ATP8B1: variants seen among roughly 807,000 people sequenced by gnomAD.
ATP8B1 encodes the protein ATPase phospholipid transporting 8B1.
Under a neutral mutation model 149.9 loss-of-function variants are expected in ATP8B1, and 80 were observed. That is an observed-to-expected ratio of 0.53 (90% CI 0.45 to 0.64). The LOEUF is 0.64. Among genes scored for constraint, ATP8B1 ranks in the 30% least tolerant of loss-of-function variants. The probability of loss-of-function intolerance (pLI) is 0.00; values close to 1 mark genes in which losing one functional copy is unlikely to be tolerated. For missense variants in ATP8B1, 1,247 were observed against 1,552.6 expected (o/e 0.80, Z 3.31); for synonymous variants, 536 against 562.8 (o/e 0.95, Z 0.67).
At chr18:57,703,549 C>G (rs191281117) in intron 4 of ATP8B1, among the ~76,000 whole-genome samples, 1 of 145,172 alleles carries the variant, frequency 6.9e-6, no homozygotes, top group African/African-American at 2.6e-5. Context: ...GCACTCCAGC[C>G]TGGACGACAA....
chr18:57,702,449 G>C (rs1056919002), intron 4 of ATP8B1, among the ~76,000 whole-genome samples: 6 of 152,196 alleles, frequency 3.9e-5, no homozygotes, highest in African/African-American at 1.4e-4. Flanking sequence ...CTGCAAAATG[G>C]AGGTCATGCC....
chr18:57,672,921 T>TAAAC (rs1911325571), intron 16 of ATP8B1, among the ~76,000 whole-genome samples: 1 of 48,344 alleles, frequency 2.1e-5, no homozygotes, highest in Non-Finnish European at 3.4e-5. Flanking sequence ...TATATATATA[T>TAAAC]ATATATATAT....
chr18:57,727,152 T>C (rs1453853186), intron 2 of ATP8B1, among the ~76,000 whole-genome samples: 1 of 152,034 alleles, frequency 6.6e-6, no homozygotes, highest in Non-Finnish European at 1.5e-5. Context: ...CCCTTCCCCA[T>C]CAGTAATCAC....
chr18:57,667,251 C>T, intron 19 of ATP8B1, 84 bp from the exon 20 acceptor site: 1 of 1,118,478 alleles, frequency 8.9e-7, no homozygotes, highest in Non-Finnish European at 1.3e-6. Flanking sequence ...GCATCTCACT[C>T]CCACTGCCTA....
At chr18:57,680,170 G>T (rs1213632765) in intron 15 of ATP8B1, among the ~76,000 whole-genome samples, 1 of 148,800 alleles carries the variant, frequency 6.7e-6, no homozygotes, top group Non-Finnish European at 1.5e-5. Context: ...CCAGCTACTC[G>T]GGAGGCTGAG....
intron 15 of ATP8B1, among the ~76,000 whole-genome samples, chr18:57,677,978 C>A (rs1425631188): frequency 6.6e-6 from 1 of 152,156 alleles, no homozygotes; most frequent in Non-Finnish European, 1.5e-5. Context: ...CCATTACCTT[C>A]TGATAATGGA....
intron 1 of ATP8B1, among the ~76,000 whole-genome samples, chr18:57,761,039 A>AC (rs11417262): frequency 0.35 from 50,605 of 142,958 alleles, 9,701 homozygotes; most frequent in African/African-American, 0.46. Context: ...AAATAAAATA[A>AC]ATAAAATAAA....
intron 1 of ATP8B1, among the ~76,000 whole-genome samples, chr18:57,779,327 GGAA>G (rs1186158613): frequency 4.0e-5 from 6 of 149,506 alleles, no homozygotes; most frequent in African/African-American, 1.2e-4. Flanking sequence ...AAAAAAAAAA[GGAA>G]GAAGAAGAAG....
chr18:57,736,244 G>A (rs2079853337), intron 1 of ATP8B1, among the ~76,000 whole-genome samples: 1 of 152,012 alleles, frequency 6.6e-6, no homozygotes, highest in Non-Finnish European at 1.5e-5. Context: ...TTAGATGAAT[G>A]GTTTGCAAAT....
chr18:57,741,226 G>C (rs879481919), intron 1 of ATP8B1, among the ~76,000 whole-genome samples: 18 of 152,138 alleles, frequency 1.2e-4, no homozygotes, highest in African/African-American at 4.3e-4. Context: ...ATGAGCCACT[G>C]TGCCCAGCTT....
chr18:57,774,562 C>T (rs1278303577), intron 1 of ATP8B1, among the ~76,000 whole-genome samples: 2 of 152,280 alleles, frequency 1.3e-5, no homozygotes, highest in East Asian at 3.9e-4. Context: ...TGCCATTGCA[C>T]TCCAGCCTGG....
chr18:57,799,717 A>G (rs1341010870), intron 1 of ATP8B1, among the ~76,000 whole-genome samples: 2 of 151,978 alleles, frequency 1.3e-5, no homozygotes, highest in Non-Finnish European at 2.9e-5. Context: ...AAAAAAAAAA[A>G]AAAAGAAAAT....
At chr18:57,667,242 C>T in intron 19 of ATP8B1, 75 bp from the exon 20 acceptor site, 1 of 1,199,960 alleles carries the variant, frequency 8.3e-7, no homozygotes. Context: ...TTTGAGACAG[C>T]ATCTCACTCC....
At chr18:57,798,420 A>G (rs2080539525) in intron 1 of ATP8B1, among the ~76,000 whole-genome samples, 1 of 151,532 alleles carries the variant, frequency 6.6e-6, no homozygotes, top group Non-Finnish European at 1.5e-5. Flanking sequence ...TACAAAAAAA[A>G]AAATAGAAAA....
At chr18:57,762,142 T>TATA (rs112357299) in intron 1 of ATP8B1, among the ~76,000 whole-genome samples, 1,067 of 78,292 alleles carry the variant, frequency 0.014, 6 homozygotes, top group Non-Finnish European at 0.016. Flanking sequence ...TATATATATA[T>TATA]TTTTTTTTTC....
intron 6 of ATP8B1, among the ~76,000 whole-genome samples, chr18:57,700,054 T>C (rs1046343950): frequency 1.3e-5 from 2 of 152,196 alleles, no homozygotes; most frequent in Admixed American, 6.5e-5. Context: ...GAACATCGGA[T>C]AGAAGAATCT....
intron 20 of ATP8B1, 72 bp downstream of exon 20, chr18:57,667,020 A>C: frequency 1.5e-6 from 2 of 1,364,552 alleles, no homozygotes; most frequent in Non-Finnish European, 2.1e-6. Flanking sequence ...CATATCTGCT[A>C]TCTTCTACAG....
At chr18:57,767,696 G>A (rs1023216196) in intron 1 of ATP8B1, among the ~76,000 whole-genome samples, 1 of 152,082 alleles carries the variant, frequency 6.6e-6, no homozygotes, top group African/African-American at 2.4e-5. Flanking sequence ...GGCTGAGGCA[G>A]GAGAATCGCT....
chr18:57,709,995 T>C (rs569120228), intron 2 of ATP8B1, among the ~76,000 whole-genome samples: 9 of 143,182 alleles, frequency 6.3e-5, no homozygotes, highest in African/African-American at 2.4e-4. Flanking sequence ...TTCTTTTCTT[T>C]TCTTTTTTTT....
Sources: allele counts gnomAD v4.1 joint callset (sites outside exome capture counted in the v4.1 genomes callset), GRCh38; gene constraint gnomAD v4.1.1; transcripts MANE v1.5; gene names NCBI Gene and HGNC (gene_info 2026-07-23, HGNC 2026-07-21).